The following DYM variants were observed in gnomAD, a reference collection of about 807,000 sequenced individuals.
DYM encodes dymeclin.
DYM carries 78 observed loss-of-function variants against 93.1 expected under a neutral mutation model. That is an observed-to-expected ratio of 0.84 (90% CI 0.70 to 1.01). DYM has a LOEUF of 1.01. Among genes scored for constraint, DYM ranks in the 50% least tolerant of loss-of-function variants. DYM has a pLI of 0.00. For missense variants in DYM, 789 were observed against 845.0 expected (o/e 0.93, Z 0.82); for synonymous variants, 321 against 319.7 (o/e 1.00, Z -0.04).
At chr18:49,376,272 G>T (rs943281287) in intron 5 of DYM, among the ~76,000 whole-genome samples, 1 of 152,196 alleles carries the variant, frequency 6.6e-6, no homozygotes, top group Non-Finnish European at 1.5e-5. Flanking sequence ...CTGTTGGAAA[G>T]AAACTTTAGA....
intron 14 of DYM, among the ~76,000 whole-genome samples, chr18:49,181,006 C>CA (rs952421730): frequency 1.1e-4 from 17 of 151,800 alleles, no homozygotes; most frequent in South Asian, 2.1e-4. Flanking sequence ...ACCAAACAAA[C>CA]AAAAAAAACT....
At chr18:49,187,444 C>A (rs766860214) in intron 14 of DYM, among the ~76,000 whole-genome samples, 2 of 152,124 alleles carry the variant, frequency 1.3e-5, no homozygotes, top group Non-Finnish European at 2.9e-5. Context: ...ATTTAGTGAG[C>A]TAGTATAATG....
intron 15 of DYM, among the ~76,000 whole-genome samples, chr18:49,122,103 G>A (rs1323789077): frequency 1.3e-5 from 2 of 152,120 alleles, no homozygotes; most frequent in Non-Finnish European, 2.9e-5. Context: ...TTCTGCTGAT[G>A]GACATCCAAT....
chr18:49,243,085 A>C (rs571433596), intron 13 of DYM, among the ~76,000 whole-genome samples: 3 of 152,186 alleles, frequency 2.0e-5, no homozygotes, highest in African/African-American at 7.2e-5. Flanking sequence ...CTACTTTAAA[A>C]GAGGAGACCT....
At chr18:49,320,517 C>A (rs1382082536) in intron 8 of DYM, among the ~76,000 whole-genome samples, 2 of 152,136 alleles carry the variant, frequency 1.3e-5, no homozygotes, top group Non-Finnish European at 2.9e-5. Flanking sequence ...CGCTGACACC[C>A]AGGCTGAAGT....
At chr18:49,258,571 G>T in intron 11 of DYM, 78 bp from the exon 12 acceptor site, 1 of 905,134 alleles carries the variant, frequency 1.1e-6, no homozygotes, top group Non-Finnish European at 1.8e-6. Context: ...CACAATTTTT[G>T]ATAAACGATG....
At chr18:49,440,970 TATA>T (rs1381376998) in intron 1 of DYM, among the ~76,000 whole-genome samples, 187 of 2,130 alleles carry the variant, frequency 0.088, 55 homozygotes, top group Non-Finnish European at 0.12. Context: ...ATTATATTTA[TATA>T]ATATATTATA....
intron 13 of DYM, among the ~76,000 whole-genome samples, chr18:49,229,702 T>C (rs912822740): frequency 2.6e-5 from 4 of 152,154 alleles, no homozygotes. Context: ...TGGAAAATAC[T>C]TTGACACCTT....
At chr18:49,437,986 G>A (rs1463876731) in intron 1 of DYM, among the ~76,000 whole-genome samples, 3 of 152,054 alleles carry the variant, frequency 2.0e-5, no homozygotes, top group Admixed American at 1.3e-4. Context: ...CTTGAGCCCA[G>A]GAGTACGAGG....
At chr18:49,244,699 C>CAGA (rs759630327) in intron 13 of DYM, among the ~76,000 whole-genome samples, 2 of 152,012 alleles carry the variant, frequency 1.3e-5, no homozygotes, top group Non-Finnish European at 2.9e-5. Context: ...ACCAGCTTCA[C>CAGA]AGAAGAAGAA....
At chr18:49,384,322 C>CA (rs398032777) in intron 3 of DYM, among the ~76,000 whole-genome samples, 1,180 of 65,740 alleles carry the variant, frequency 0.018, 19 homozygotes, top group African/African-American at 0.029. Flanking sequence ...ACCATGTCTC[C>CA]AAAAAAAAAA....
intron 2 of DYM, among the ~76,000 whole-genome samples, chr18:49,400,505 C>T (rs936667353): frequency 3.9e-5 from 6 of 152,152 alleles, no homozygotes; most frequent in Admixed American, 3.3e-4. Flanking sequence ...ACAGGAAGAT[C>T]TCATTCACTT....
At chr18:49,439,333 G>T (rs1023280679) in intron 1 of DYM, among the ~76,000 whole-genome samples, 2 of 152,140 alleles carry the variant, frequency 1.3e-5, no homozygotes, top group Non-Finnish European at 2.9e-5. Context: ...ATGTAGTCAA[G>T]AACTCAATCT....
chr18:49,323,619 G>A (rs2146640162), intron 8 of DYM, among the ~76,000 whole-genome samples: 1 of 152,250 alleles, frequency 6.6e-6, no homozygotes, highest in Non-Finnish European at 1.5e-5. Flanking sequence ...GCAAGAAGGT[G>A]GACATCTGCA....
At chr18:49,069,771 G>T (rs888992497) in intron 17 of DYM, among the ~76,000 whole-genome samples, 1 of 152,162 alleles carries the variant, frequency 6.6e-6, no homozygotes, top group African/African-American at 2.4e-5. Context: ...GGCCAGGCAT[G>T]GTGGCTCACG....
intron 8 of DYM, among the ~76,000 whole-genome samples, chr18:49,325,889 G>C (rs764478725): frequency 2.6e-5 from 4 of 152,172 alleles, no homozygotes; most frequent in Non-Finnish European, 5.9e-5. Context: ...TACACGAGGA[G>C]GGGTCCATTA....
chr18:49,080,572 C>A (rs1286223821), intron 17 of DYM, among the ~76,000 whole-genome samples: 1 of 127,790 alleles, frequency 7.8e-6, no homozygotes, highest in Non-Finnish European at 1.7e-5. Context: ...CCGGACGGGG[C>A]GGCTGGCCGG....
rs890733206 is a variant in DYM, at chr18:49,036,575, G to A, written c.*7480C>T. On this transcript the variant is annotated 3_prime_UTR_variant, in exon 18 of 18. Coordinates refer to ENST00000675505, the MANE Select transcript of DYM (RefSeq NM_001353214.3). ...ATATGTATACATATTTTTGAGACAC[G>A]GTCTCTCACTCCATTGCCCAGGCTG... Among the ~76,000 whole-genome samples, 42 of 151,816 alleles carry A rather than the reference G, an allele frequency of 2.8e-4. 1 individual carries two copies. Among genetic ancestry groups the A allele is most frequent in the South Asian group, 2.1e-4 (1 of 4,798 alleles).
At chr18:49,312,044 C>T (rs531159747) in intron 8 of DYM, among the ~76,000 whole-genome samples, 1 of 152,060 alleles carries the variant, frequency 6.6e-6, no homozygotes, top group Non-Finnish European at 1.5e-5. Context: ...CCATCTTTAT[C>T]TCTAGGAAAG....
Sources: gnomAD v4.1 joint callset for allele counts (sites outside exome capture counted in the v4.1 genomes callset) on GRCh38, gnomAD v4.1.1 for gene constraint, MANE v1.5 for transcripts, NCBI Gene and HGNC (gene_info 2026-07-23, HGNC 2026-07-21) for gene names.